The following ACTR3C variants were observed in gnomAD, a reference collection of about 807,000 sequenced individuals.
ACTR3C encodes the protein actin-related protein 3C.
ACTR3C carries 18 observed loss-of-function variants against 26.3 expected under a neutral mutation model. The observed-to-expected ratio is 0.68, with a 90% CI of 0.47 to 1.01. The LOEUF is 1.01. ACTR3C is among the 50% of genes least tolerant of loss of function. The probability of loss-of-function intolerance (pLI) is 0.00; values close to 1 mark genes in which losing one functional copy is unlikely to be tolerated. For synonymous variants in ACTR3C, 55 were observed against 94.5 expected (o/e 0.58, Z 2.42); for missense variants, 184 against 250.7 (o/e 0.73, Z 1.80).
the ACTR3C span, among the ~76,000 whole-genome samples, chr7:149,933,692 A>G: frequency 2.4e-3 from 366 of 152,274 alleles, 4 homozygotes; most frequent in African/African-American, 8.5e-3. Context: ...GTTGAGTTCT[A>G]CTCAACACTA....
the ACTR3C span, among the ~76,000 whole-genome samples, chr7:150,081,613 A>G: frequency 7.9e-5 from 12 of 151,516 alleles, no homozygotes; most frequent in African/African-American, 2.5e-4. Flanking sequence ...AGCAAACATG[A>G]TGGAGGTTTA....
chr7:150,043,047 A>G, the ACTR3C span, among the ~76,000 whole-genome samples: 338 of 150,564 alleles, frequency 2.2e-3, 2 homozygotes, highest in South Asian at 0.012. Flanking sequence ...CACAGTCTAC[A>G]AAACCCCACA....
the ACTR3C span, among the ~76,000 whole-genome samples, chr7:149,964,743 A>G: frequency 6.6e-6 from 1 of 152,164 alleles, no homozygotes; most frequent in South Asian, 2.1e-4. Flanking sequence ...CAGCAGTAAA[A>G]CCAGCAAATC....
chr7:149,952,148 T>G, the ACTR3C span, among the ~76,000 whole-genome samples: 22 of 149,150 alleles, frequency 1.5e-4, no homozygotes, highest in African/African-American at 5.2e-4. Context: ...TGACATCATT[T>G]AACCCTAAAA....
chr7:150,269,418 C>T (rs913032346), intron 6 of ACTR3C, among the ~76,000 whole-genome samples: 1 of 149,094 alleles, frequency 6.7e-6, no homozygotes, highest in African/African-American at 2.5e-5. Context: ...GCAAACCCCC[C>T]CACCCGTGGG....
At chr7:149,928,202 C>CTTT in the ACTR3C span, among the ~76,000 whole-genome samples, 57 of 137,988 alleles carry the variant, frequency 4.1e-4, no homozygotes, top group Admixed American at 5.9e-4. Context: ...TTTTTCTTTT[C>CTTT]TTTTTTTTTT....
the ACTR3C span, among the ~76,000 whole-genome samples, chr7:149,899,847 C>A: frequency 7.7e-6 from 1 of 130,378 alleles, no homozygotes; most frequent in Non-Finnish European, 1.7e-5. Context: ...CAAAACAAAA[C>A]AAAAAAAATC....
At chr7:150,139,616 C>A in the ACTR3C span, among the ~76,000 whole-genome samples, 1 of 152,276 alleles carries the variant, frequency 6.6e-6, no homozygotes, top group Non-Finnish European at 1.5e-5. Context: ...TAGCTCAGAG[C>A]AATTTTCAAA....
At chr7:150,195,300 A>G in the ACTR3C span, among the ~76,000 whole-genome samples, 3 of 151,830 alleles carry the variant, frequency 2.0e-5, no homozygotes, top group Non-Finnish European at 2.9e-5. Context: ...CTTTTGGAGC[A>G]ATTAGGTATA....
the ACTR3C span, among the ~76,000 whole-genome samples, chr7:150,042,130 T>A: frequency 2.0e-5 from 1 of 49,388 alleles, no homozygotes; most frequent in African/African-American, 9.2e-5. Context: ...ATGGGGGTCC[T>A]AAGAGCCAGT....
At chr7:150,257,723 T>C (rs996942530) in intron 6 of ACTR3C, among the ~76,000 whole-genome samples, 1 of 152,178 alleles carries the variant, frequency 6.6e-6, no homozygotes, top group Non-Finnish European at 1.5e-5. Context: ...AGCCAGAGGA[T>C]ATGCTGAAGG....
intron 1 of ACTR3C, among the ~76,000 whole-genome samples, chr7:150,297,435 A>C (rs573023982): frequency 1.9e-4 from 29 of 152,014 alleles, no homozygotes; most frequent in African/African-American, 6.5e-4. Flanking sequence ...TTTCATTCCC[A>C]TGAGCCAAAA....
At chr7:150,113,146 C>G in the ACTR3C span, among the ~76,000 whole-genome samples, 1 of 151,706 alleles carries the variant, frequency 6.6e-6, no homozygotes. Context: ...GTGGCTGACC[C>G]TAGTTATGGT....
chr7:150,179,418 G>GA, the ACTR3C span, among the ~76,000 whole-genome samples: 39,837 of 115,476 alleles, frequency 0.34, 6,644 homozygotes, highest in East Asian at 0.55. Flanking sequence ...GACACAACAG[G>GA]AAAAAAAAAA....
At chr7:150,305,872 G>A (rs768736571) in intron 1 of ACTR3C, among the ~76,000 whole-genome samples, 20 of 152,186 alleles carry the variant, frequency 1.3e-4, no homozygotes, top group Admixed American at 1.2e-3. Context: ...GCTCCTGTGG[G>A]GTCCATCATT....
the ACTR3C span, among the ~76,000 whole-genome samples, chr7:150,171,277 A>T: frequency 2.0e-5 from 3 of 149,084 alleles, no homozygotes; most frequent in East Asian, 5.8e-4. Flanking sequence ...ATGTGATATG[A>T]CTGTAATGAA....
intron 6 of ACTR3C, among the ~76,000 whole-genome samples, chr7:150,251,646 A>C (rs1263353956): frequency 6.6e-6 from 1 of 152,064 alleles, no homozygotes; most frequent in Non-Finnish European, 1.5e-5. Context: ...TGATAATAGA[A>C]TGTACATTTT....
At chr7:150,265,477 T>G (rs1376616793) in intron 6 of ACTR3C, among the ~76,000 whole-genome samples, 1 of 152,040 alleles carries the variant, frequency 6.6e-6, no homozygotes, top group Non-Finnish European at 1.5e-5. Context: ...GCGGATCACC[T>G]GAGGTCAGGA....
intron 1 of ACTR3C, among the ~76,000 whole-genome samples, chr7:150,320,974 G>A (rs1409563112): frequency 6.6e-6 from 1 of 152,140 alleles, no homozygotes; most frequent in Non-Finnish European, 1.5e-5. Context: ...CTCACTCTTT[G>A]ACTAAACTTG....
Sources: gnomAD v4.1 joint callset for allele counts (sites outside exome capture counted in the v4.1 genomes callset) on GRCh38, gnomAD v4.1.1 for gene constraint, MANE v1.5 for transcripts, NCBI Gene and HGNC (gene_info 2026-07-23, HGNC 2026-07-21) for gene names.